The following RALGAPA2 variants were observed in gnomAD, a reference collection of about 807,000 sequenced individuals.
The protein encoded by RALGAPA2 is ral GTPase-activating protein subunit alpha-2.
In RALGAPA2, 139 loss-of-function variants were observed where a neutral mutation model predicts 230.4. The ratio of observed to expected loss-of-function variants is 0.60; its 90% CI spans 0.53 to 0.69. RALGAPA2 has a LOEUF of 0.69. Among genes scored for constraint, RALGAPA2 ranks in the 30% least tolerant of loss-of-function variants. RALGAPA2 has a pLI of 0.00. For synonymous variants in RALGAPA2, 847 were observed against 837.8 expected, an observed-to-expected ratio of 1.01 and a Z score of -0.19; for missense variants, 2,163 against 2,276.0, an observed-to-expected ratio of 0.95 and a Z score of 1.01.
intron 23 of RALGAPA2, among the ~76,000 whole-genome samples, chr20:20,564,033 AC>A (rs1379426157): frequency 6.6e-6 from 1 of 152,032 alleles, no homozygotes; most frequent in Admixed American, 6.6e-5. Flanking sequence ...ATTATAATTC[AC>A]CCCCACTTTA....
chr20:20,465,197 ACT>A (rs1556066775), intron 37 of RALGAPA2, among the ~76,000 whole-genome samples: 36 of 147,342 alleles, frequency 2.4e-4, no homozygotes, highest in Non-Finnish European at 4.3e-4. Flanking sequence ...ACACACACAC[ACT>A]CTCTCATACT....
rs1344242065 is a variant in RALGAPA2, at chr20:20,512,688, T to A, written c.4681A>T (p.Ile1561Phe). Residue 1561 changes from isoleucine to phenylalanine, a missense_variant, in exon 32 of 40, where the codon ATT becomes TTT. Ile to Phe is a conservative substitution (Grantham distance 21). Transcript: ENST00000202677. The part of the protein sequence containing the change: ...GMNYDQEKEI[I>F]EVILRQNAQE... ...GCATTTTGGCGCAAAATGACCTCAATGATTTCCTTCTCTTGGTCATAGTTC... is the reference window on the plus strand; with the variant it reads ...GCATTTTGGCGCAAAATGACCTCAAAGATTTCCTTCTCTTGGTCATAGTTC... The A allele has an allele frequency of 1.2e-6, 2 of 1,614,000 alleles. No individual in the cohort carries two copies. The highest frequency in any genetic ancestry group is 1.7e-6 in the Non-Finnish European group (2 of 1,179,882).
At chr20:20,458,601 T>A (rs2061195640) in intron 37 of RALGAPA2, among the ~76,000 whole-genome samples, 1 of 135,758 alleles carries the variant, frequency 7.4e-6, no homozygotes, top group Non-Finnish European at 1.5e-5. Flanking sequence ...AAGAAATATA[T>A]GAGCTGTACT....
intron 31 of RALGAPA2, among the ~76,000 whole-genome samples, chr20:20,520,231 A>T (rs1228071439): frequency 6.6e-6 from 1 of 152,030 alleles, no homozygotes; most frequent in Non-Finnish European, 1.5e-5. Flanking sequence ...CCAGTTTTAC[A>T]TGCATGCATT....
chr20:20,547,471 G>A (rs948750500), intron 23 of RALGAPA2, among the ~76,000 whole-genome samples: 4 of 152,240 alleles, frequency 2.6e-5, no homozygotes, highest in African/African-American at 9.6e-5. Context: ...GACATCTTGT[G>A]TTCCTGTGTG....
At chr20:20,654,127 AAGAATATCCC>A (rs2067502221) in intron 3 of RALGAPA2, among the ~76,000 whole-genome samples, 1 of 152,236 alleles carries the variant, frequency 6.6e-6, no homozygotes, top group South Asian at 2.1e-4. Context: ...AATTATAGTT[AAGAATATCCC>A]CAAACTTTTA....
intron 24 of RALGAPA2, 84 bp from the exon 25 acceptor site, chr20:20,536,868 C>A: frequency 7.1e-7 from 1 of 1,410,128 alleles, no homozygotes; most frequent in Non-Finnish European, 9.5e-7. Flanking sequence ...ACTCTTCATC[C>A]TAGATAAAAA....
chr20:20,608,443 C>T (rs2065886437), intron 14 of RALGAPA2, among the ~76,000 whole-genome samples: 1 of 151,982 alleles, frequency 6.6e-6, no homozygotes, highest in African/African-American at 2.4e-5. Flanking sequence ...AAGTCAAATT[C>T]AGTCATCACT....
chr20:20,534,121 G>C (rs1041397778), intron 26 of RALGAPA2, among the ~76,000 whole-genome samples: 1 of 152,130 alleles, frequency 6.6e-6, no homozygotes, highest in African/African-American at 2.4e-5. Flanking sequence ...TTAAAAAGTG[G>C]ATGTAACCAT....
intron 37 of RALGAPA2, among the ~76,000 whole-genome samples, chr20:20,426,260 T>A (rs1345390933): frequency 6.6e-6 from 1 of 152,146 alleles, no homozygotes; most frequent in Non-Finnish European, 1.5e-5. Context: ...ACTTACATAG[T>A]GTGGTTTGAA....
intron 3 of RALGAPA2, among the ~76,000 whole-genome samples, chr20:20,664,296 A>G (rs16982070): frequency 0.011 from 1,698 of 152,298 alleles, 28 homozygotes; most frequent in African/African-American, 0.039. Flanking sequence ...CTGGAAAGGC[A>G]GCACTTAATA....
At chr20:20,687,197 T>A (rs2068735747) in intron 1 of RALGAPA2, among the ~76,000 whole-genome samples, 2 of 152,156 alleles carry the variant, frequency 1.3e-5, no homozygotes, top group African/African-American at 4.8e-5. Context: ...AAAACAGTCA[T>A]TCAGAAGCAC....
chr20:20,609,594 C>T (rs2065918703), intron 14 of RALGAPA2, among the ~76,000 whole-genome samples: 1 of 152,118 alleles, frequency 6.6e-6, no homozygotes, highest in South Asian at 2.1e-4. Flanking sequence ...AATTCTGTGA[C>T]AAGTTCTCTA....
chr20:20,703,263 C>G (rs2069464181), intron 1 of RALGAPA2, among the ~76,000 whole-genome samples: 1 of 152,116 alleles, frequency 6.6e-6, no homozygotes, highest in South Asian at 2.1e-4. Context: ...TATGAAACAT[C>G]ACTTTTCTGA....
At chr20:20,459,156 A>G (rs2061242155) in intron 37 of RALGAPA2, among the ~76,000 whole-genome samples, 1 of 152,032 alleles carries the variant, frequency 6.6e-6, no homozygotes, top group African/African-American at 2.4e-5. Context: ...TCACAGAACT[A>G]TTAAACTAAG....
At chr20:20,466,967 T>A (rs2061433315) in intron 37 of RALGAPA2, among the ~76,000 whole-genome samples, 1 of 152,242 alleles carries the variant, frequency 6.6e-6, no homozygotes, top group Non-Finnish European at 1.5e-5. Flanking sequence ...TAGTTAACCC[T>A]CTCAGCTTTC....
At chr20:20,601,616 T>A in intron 16 of RALGAPA2, 66 bp downstream of exon 16, 1 of 1,521,542 alleles carries the variant, frequency 6.6e-7, no homozygotes, top group Non-Finnish European at 8.9e-7. Flanking sequence ...TTTAACACAC[T>A]TTATGCCTAT....
At chr20:20,422,623 C>T (rs76717854) in intron 37 of RALGAPA2, among the ~76,000 whole-genome samples, 2,412 of 152,220 alleles carry the variant, frequency 0.016, 63 homozygotes, top group African/African-American at 0.055. Context: ...ACACTATGTA[C>T]TGTGAGGAAG....
At chr20:20,561,397 C>T (rs570615634) in intron 23 of RALGAPA2, among the ~76,000 whole-genome samples, 1 of 152,194 alleles carries the variant, frequency 6.6e-6, no homozygotes, top group Non-Finnish European at 1.5e-5. Flanking sequence ...GAACCTGAGC[C>T]CCCTTCCTGC....
Sources: gnomAD v4.1 joint callset for allele counts (sites outside exome capture counted in the v4.1 genomes callset) on GRCh38, gnomAD v4.1.1 for gene constraint, MANE v1.5 for transcripts, NCBI Gene and HGNC (gene_info 2026-07-23, HGNC 2026-07-21) for gene names.